Variants in LRRC9 observed in about 807,000 individuals in gnomAD.
LRRC9 encodes leucine rich repeat containing 9, also known as leucine-rich repeat-containing protein 9.
Under a neutral mutation model 63.2 loss-of-function variants are expected in LRRC9, and 122 were observed. That is an observed-to-expected ratio of 1.93 (90% confidence interval 1.67 to 2.24). The LOEUF (loss-of-function observed/expected upper bound fraction) is 2.24. Among genes scored for constraint, LRRC9 ranks in the 30% most tolerant of loss-of-function variants. LRRC9 has a pLI of 0.00. For synonymous variants in LRRC9, 366 were observed against 213.1 expected (o/e 1.72, Z -6.25); for missense variants, 1,071 against 627.7 (o/e 1.71, Z -7.55).
chr14:59,922,802 T>A lies in LRRC9; in HGVS notation c.-34+2919T>A, dbSNP rs575739728. ...AGTAATGTCATGAATCTCGAGTCTC[T>A]AGTCCCACTCTCCTAGGAGAGGAAA... is the stretch of plus-strand genomic sequence containing the variant. On this transcript the variant is annotated intron_variant, in intron 1 of 31. Transcript: ENST00000445360. This position sits in a 1 kb window ranked among gnomAD's most constrained non-coding sequence, Gnocchi z 5.3. 2.0e-5 allele frequency among the ~76,000 whole-genome samples: 3 copies of A among 152,324 alleles called. No homozygotes were observed. The South Asian group carries it at 6.2e-4, about 32-fold the overall frequency.
At chr14:59,981,809 C>G (rs1325945418) in intron 15 of LRRC9, 39 bp from the exon 16 acceptor site, 2 of 663,108 alleles carry the variant, frequency 3.0e-6, no homozygotes, top group African/African-American at 3.6e-5. Flanking sequence ...ATGATAAATA[C>G]AGCAACTGAT....
intron 29 of LRRC9, among the ~76,000 whole-genome samples, chr14:60,035,089 T>C (rs1217101575): frequency 7.4e-6 from 1 of 136,050 alleles, no homozygotes; most frequent in African/African-American, 2.6e-5. Flanking sequence ...CTCTGATTAT[T>C]AGTGACTTTG....
intron 13 of LRRC9, among the ~76,000 whole-genome samples, chr14:59,976,616 A>G (rs780612727): frequency 4.6e-5 from 7 of 152,202 alleles, no homozygotes; most frequent in Non-Finnish European, 8.8e-5. Flanking sequence ...GAAATGCCTC[A>G]CGATGTTCTG....
chr14:59,981,031 T>C (rs140174363), intron 15 of LRRC9, among the ~76,000 whole-genome samples: 78 of 152,270 alleles, frequency 5.1e-4, no homozygotes, highest in African/African-American at 1.8e-3. Context: ...CCCTCTGGAA[T>C]ACCCTGATTA....
Position 59,938,918 on chromosome 14 carries a change from T to TA in LRRC9, c.726+346_726+347insA, listed in dbSNP as rs1881360919. On this transcript the variant is annotated intron_variant, in intron 7 of 31. Transcript: ENST00000445360. The surrounding 1 kb of genome is among the most constrained non-coding windows in gnomAD (Gnocchi z 4.2). ...ACATATATATACATATATACACATA[T>TA]GCATATATATACACATATATACATA... Among the ~76,000 whole-genome samples, 1 of 140,698 alleles carries TA rather than the reference T, an allele frequency of 7.1e-6. No homozygotes were observed. Among genetic ancestry groups the TA allele is most frequent in the African/African-American group, 2.7e-5 (1 of 37,516 alleles). 92.3% of individuals were successfully genotyped at this position (140,698 alleles called of 152,430 possible). A position where few individuals can be genotyped will look rare whatever the true frequency, so the allele number is the denominator to read the frequency against.
intron 17 of LRRC9, among the ~76,000 whole-genome samples, chr14:59,989,872 T>G (rs917384362): frequency 6.6e-6 from 1 of 152,140 alleles, no homozygotes; most frequent in Non-Finnish European, 1.5e-5. Flanking sequence ...TTTGTAATGC[T>G]TACTCTGAGA....
At chr14:60,043,608 T>C (rs896967547) in intron 29 of LRRC9, among the ~76,000 whole-genome samples, 6 of 152,184 alleles carry the variant, frequency 3.9e-5, no homozygotes, top group African/African-American at 1.2e-4. Flanking sequence ...TCTGCATATG[T>C]TGAGCCATCC....
chr14:60,065,800 T>C (rs1366123002), downstream of LRRC9, among the ~76,000 whole-genome samples: 1 of 151,034 alleles, frequency 6.6e-6, no homozygotes, highest in African/African-American at 2.4e-5. Context: ...TGTATGATTA[T>C]ATAACTTGTT....
chr14:59,935,115 G>T (rs1047111663), intron 6 of LRRC9, among the ~76,000 whole-genome samples: 34 of 126,514 alleles, frequency 2.7e-4, no homozygotes, highest in African/African-American at 7.5e-4. Context: ...GTGAAACCTT[G>T]TTTCTACTAA....
chr14:60,003,683 A>T lies in LRRC9; in HGVS notation c.2727A>T (p.Glu909Asp). 1.4e-6 allele frequency: 1 copy of T among 694,572 alleles called. No individual in the cohort carries two copies. Among genetic ancestry groups the T allele is most frequent in the Non-Finnish European group, 2.6e-6 (1 of 382,398 alleles). 43.0% of individuals were successfully genotyped at this position (694,572 alleles called of 1,614,324 possible). The change falls in exon 21 of 32, where the codon GAA becomes GAT. Residue 909 changes from glutamate (E) to aspartate (D), a missense_variant. Transcript: ENST00000445360. The surrounding 1 kb of genome is among the most constrained non-coding windows in gnomAD (Gnocchi z 4.2). ...AAATCACAAATTTAGAAAAATTGGA[A>T]AATTTGAAATGGGCATCATTCAGCA...
At chr14:60,039,600 G>A (rs1004155155) in intron 29 of LRRC9, among the ~76,000 whole-genome samples, 6 of 152,122 alleles carry the variant, frequency 3.9e-5, no homozygotes, top group African/African-American at 1.2e-4. Context: ...CTGTGGGATC[G>A]GTGGTGATAT....
chr14:60,065,569 A>AC, downstream of LRRC9, among the ~76,000 whole-genome samples: 1 of 142,240 alleles, frequency 7.0e-6, no homozygotes, highest in Admixed American at 7.5e-5. Flanking sequence ...AATCGCTTGA[A>AC]CCAGGGAGGC....
intron 7 of LRRC9, among the ~76,000 whole-genome samples, chr14:59,939,063 A>G (rs1349283647): frequency 6.7e-6 from 1 of 148,238 alleles, no homozygotes; most frequent in Non-Finnish European, 1.5e-5. Flanking sequence ...ACATATATAT[A>G]CGTATATACA....
At chr14:60,063,355 G>A (rs973881468) in exon 32 of LRRC9, 8 of 699,866 alleles carry the variant, frequency 1.1e-5, no homozygotes, top group South Asian at 3.0e-5. Context: ...AGATCAAATC[G>A]AATGTAACTG....
rs946545407 is a variant in LRRC9 at position 60,031,106 on chromosome 14, G to A, written c.3922-889G>A. Among the ~76,000 whole-genome samples the A allele has an allele frequency of 6.6e-6, 1 of 152,034 alleles. No individual in the cohort carries two copies. Among genetic ancestry groups the A allele is most frequent in the Admixed American group, 6.6e-5 (1 of 15,238 alleles). On this transcript the variant is annotated intron_variant, in intron 28 of 31. Coordinates refer to ENST00000445360, the Ensembl canonical transcript of LRRC9. This position sits in a 1 kb window ranked among gnomAD's most constrained non-coding sequence, Gnocchi z 4.6. ...TTACTGATCAGGCTTTGGTTCCACA[G>A]ATAGAAACTGCTTGTGGGTAAAAAT... is the stretch of plus-strand genomic sequence containing the variant.
intron 1 of LRRC9, among the ~76,000 whole-genome samples, chr14:59,926,240 T>C (rs1184288237): frequency 2.0e-5 from 3 of 152,246 alleles, no homozygotes; most frequent in African/African-American, 7.2e-5. Context: ...TCTCTCAATA[T>C]TTCTGGCAAT....
At chr14:59,994,932 A>G (rs948586392) in intron 17 of LRRC9, among the ~76,000 whole-genome samples, 7 of 152,126 alleles carry the variant, frequency 4.6e-5, no homozygotes, top group Admixed American at 2.0e-4. Context: ...TGGGTGCAGC[A>G]CACCAACATG....
chr14:59,995,034 G>A (rs187284996), intron 17 of LRRC9, among the ~76,000 whole-genome samples: 37 of 151,776 alleles, frequency 2.4e-4, no homozygotes, highest in African/African-American at 6.8e-4. Context: ...TAAATGTATC[G>A]TTGTTACAGT....
Position 59,964,137 on chromosome 14 carries a change from G to C in LRRC9, c.1212-2452G>C, listed in dbSNP as rs1020834671. 3.9e-5 allele frequency among the ~76,000 whole-genome samples: 6 copies of C among 152,318 alleles called. No individual in the cohort carries two copies. In the South Asian group the frequency reaches 1.2e-3, roughly 32 times the overall value. ...ATTAGTTTAGAGACCATACAGTGGAGAATATTGAATCCTCTACTGTAGGTG... is the reference window on the plus strand; with the variant it reads ...ATTAGTTTAGAGACCATACAGTGGACAATATTGAATCCTCTACTGTAGGTG... On this transcript the variant is annotated intron_variant, in intron 10 of 31. Coordinates refer to ENST00000445360, the Ensembl canonical transcript of LRRC9. The surrounding 1 kb of genome is among the most constrained non-coding windows in gnomAD (Gnocchi z 4.4).
Sources: gnomAD v4.1 joint callset for allele counts (sites outside exome capture counted in the v4.1 genomes callset) on GRCh38, gnomAD v4.1.1 for gene constraint, Gnocchi (gnomAD v3.1) non-coding constraint, MANE v1.5 for transcripts, NCBI Gene and HGNC (gene_info 2026-07-23, HGNC 2026-07-21) for gene names.